Variants in FAT3 observed in about 807,000 individuals in gnomAD.
The protein encoded by FAT3 is FAT atypical cadherin 3.
Under a neutral mutation model 310.2 loss-of-function variants are expected in FAT3, and 95 were observed. The ratio of observed to expected loss-of-function variants is 0.31; its 90% confidence interval spans 0.26 to 0.36. The LOEUF (loss-of-function observed/expected upper bound fraction) is 0.36, where lower values mean the gene tolerates loss of function less well. Ranked by LOEUF, FAT3 falls within the 10% of genes least tolerant of loss-of-function variation. FAT3 has a pLI of 1.00. For missense variants in FAT3, 5,408 were observed against 5,715.6 expected (o/e 0.95, Z 1.74); for synonymous variants, 2,314 against 2,192.9 (o/e 1.06, Z -1.54).
At chr11:92,420,731 C>T (rs891804345) in intron 2 of FAT3, among the ~76,000 whole-genome samples, 9 of 151,994 alleles carry the variant, frequency 5.9e-5, no homozygotes, top group Non-Finnish European at 1.2e-4. Flanking sequence ...GAAAAATATA[C>T]AAACAGATTA....
At chr11:92,347,410 G>A (rs1948447939) in intron 1 of FAT3, among the ~76,000 whole-genome samples, 1 of 152,162 alleles carries the variant, frequency 6.6e-6, no homozygotes, top group South Asian at 2.1e-4. Context: ...AAATAGAAAA[G>A]ATAGGAAGAG....
chr11:92,820,895 A>G (rs903182642), intron 13 of FAT3, among the ~76,000 whole-genome samples: 1 of 152,236 alleles, frequency 6.6e-6, no homozygotes, highest in African/African-American at 2.4e-5. Flanking sequence ...TTCCCTGATC[A>G]TAGCCATTAT....
chr11:92,671,146 G>T (rs1943117093), intron 3 of FAT3, among the ~76,000 whole-genome samples: 1 of 151,940 alleles, frequency 6.6e-6, no homozygotes, highest in Non-Finnish European at 1.5e-5. Context: ...CTGGGTTCAA[G>T]TGATTCTTGT....
At chr11:92,625,548 T>C (rs2135682764) in intron 3 of FAT3, among the ~76,000 whole-genome samples, 1 of 152,266 alleles carries the variant, frequency 6.6e-6, no homozygotes, top group Non-Finnish European at 1.5e-5. Context: ...CCAACAAAGC[T>C]CACACCGATG....
chr11:92,493,516 C>T (rs1952666487), intron 2 of FAT3, among the ~76,000 whole-genome samples: 1 of 152,094 alleles, frequency 6.6e-6, no homozygotes. Flanking sequence ...ACTAACACTT[C>T]ACTCATGCTG....
At chr11:92,872,437 A>G (rs1949412674) in intron 22 of FAT3, among the ~76,000 whole-genome samples, 1 of 152,248 alleles carries the variant, frequency 6.6e-6, no homozygotes, top group Non-Finnish European at 1.5e-5. Flanking sequence ...TCAAACTCCC[A>G]GTAAATATGC....
chr11:92,461,513 T>C (rs1169926447), intron 2 of FAT3, among the ~76,000 whole-genome samples: 2 of 151,958 alleles, frequency 1.3e-5, no homozygotes, highest in East Asian at 3.9e-4. Flanking sequence ...CAAGGGTGGG[T>C]ATGGTGATGA....
chr11:92,730,780 G>A (rs1945152391), intron 4 of FAT3, among the ~76,000 whole-genome samples: 1 of 152,050 alleles, frequency 6.6e-6, no homozygotes, highest in Non-Finnish European at 1.5e-5. Flanking sequence ...TGTAATTTCT[G>A]AAAAATGCCC....
At chr11:92,308,373 A>G (rs1487624009) in intron 1 of FAT3, among the ~76,000 whole-genome samples, 1 of 152,184 alleles carries the variant, frequency 6.6e-6, no homozygotes, top group Non-Finnish European at 1.5e-5. Flanking sequence ...TTCTTTTTTT[A>G]ATTAATGAAA....
intron 3 of FAT3, among the ~76,000 whole-genome samples, chr11:92,540,014 G>T (rs115227035): frequency 6.6e-6 from 1 of 152,030 alleles, no homozygotes; most frequent in African/African-American, 2.4e-5. Flanking sequence ...TTTATTTTGC[G>T]CTGAGCCCTG....
At chr11:92,258,666 T>A (rs1865411296) in intron 1 of FAT3, among the ~76,000 whole-genome samples, 1 of 152,042 alleles carries the variant, frequency 6.6e-6, no homozygotes, top group Admixed American at 6.6e-5. Context: ...GTTAGGCAGT[T>A]GTGCATCCCT....
rs578053209 is a variant in FAT3 at position 92,333,362 on chromosome 11, TA to T, written c.-17-18732del. 9.6e-4 allele frequency among the ~76,000 whole-genome samples: 146 copies of T among 152,326 alleles called. 3 individuals are homozygous for T. Among genetic ancestry groups the T allele is most frequent in the African/African-American group, 3.4e-3 (141 of 41,574 alleles). On this transcript the variant is annotated intron_variant, in intron 1 of 27. Transcript: ENST00000525166. ...TCAGATTCTCCTTAAGTCATATTAG[TA>T]ATTTAATTCTCTGACTTACCCTGGA...
chr11:92,515,809 A>G (rs1953462164), intron 2 of FAT3, among the ~76,000 whole-genome samples: 1 of 152,146 alleles, frequency 6.6e-6, no homozygotes, highest in Admixed American at 6.6e-5. Flanking sequence ...CAATGATTAA[A>G]TAGTGATGTG....
chr11:92,613,755 T>A (rs1339293975), intron 3 of FAT3, among the ~76,000 whole-genome samples: 6 of 152,194 alleles, frequency 3.9e-5, no homozygotes, highest in Admixed American at 3.9e-4. Flanking sequence ...TGATAGAGGA[T>A]GTGTGTTGTT....
intron 20 of FAT3, 22 bp downstream of exon 20, chr11:92,857,370 T>G (rs1218557358): frequency 6.2e-7 from 1 of 1,613,174 alleles, no homozygotes; most frequent in Non-Finnish European, 8.5e-7. Flanking sequence ...AGTGGAATGA[T>G]GCAGATCTAA....
intron 4 of FAT3, among the ~76,000 whole-genome samples, chr11:92,743,746 G>C (rs1187620362): frequency 6.6e-6 from 1 of 152,226 alleles, no homozygotes; most frequent in Non-Finnish European, 1.5e-5. Context: ...TTGAAGAAAT[G>C]ATTGGATCAT....
chr11:92,244,355 T>C (rs1046121086), intron 1 of FAT3, among the ~76,000 whole-genome samples: 2 of 152,084 alleles, frequency 1.3e-5, no homozygotes, highest in Non-Finnish European at 2.9e-5. Context: ...AAACAACAAC[T>C]AATTCTTTAG....
At chr11:92,345,621 C>A (rs536143260) in intron 1 of FAT3, among the ~76,000 whole-genome samples, 1 of 152,252 alleles carries the variant, frequency 6.6e-6, no homozygotes, top group Admixed American at 6.5e-5. Flanking sequence ...AGAAGTGGTG[C>A]TCACATTTGA....
At chr11:92,495,061 GT>G (rs531040938) in intron 2 of FAT3, among the ~76,000 whole-genome samples, 6 of 151,856 alleles carry the variant, frequency 4.0e-5, no homozygotes, top group Middle Eastern at 3.4e-3. Flanking sequence ...ATGTAGCGTG[GT>G]TTTTTTTCTT....
Sources: allele counts gnomAD v4.1 joint callset (sites outside exome capture counted in the v4.1 genomes callset), GRCh38; gene constraint gnomAD v4.1.1; transcripts MANE v1.5; gene names NCBI Gene and HGNC (gene_info 2026-07-23, HGNC 2026-07-21).